GBE1: variants seen among roughly 807,000 people sequenced by gnomAD.
GBE1 encodes 1,4-alpha-glucan-branching enzyme.
In GBE1, 70 loss-of-function variants were observed where a neutral mutation model predicts 88.8. The observed-to-expected ratio is 0.79, with a 90% confidence interval of 0.65 to 0.96. The LOEUF (loss-of-function observed/expected upper bound fraction) is 0.96. GBE1 is among the 40% of genes least tolerant of loss of function. The probability of loss-of-function intolerance (pLI) is 0.00; values close to 1 mark genes in which losing one functional copy is unlikely to be tolerated. For missense variants in GBE1, 872 were observed against 871.0 expected (o/e 1.00, Z -0.01); for synonymous variants, 284 against 300.1 (o/e 0.95, Z 0.56).
intron 1 of GBE1, among the ~76,000 whole-genome samples, chr3:81,712,260 T>G (rs1440993625): frequency 2.0e-5 from 3 of 152,206 alleles, no homozygotes; most frequent in Non-Finnish European, 2.9e-5. Flanking sequence ...CCCAAGGATC[T>G]AGAACTAGAA....
At chr3:81,643,728 G>T (rs1470133531) in intron 6 of GBE1, among the ~76,000 whole-genome samples, 1 of 152,064 alleles carries the variant, frequency 6.6e-6, no homozygotes, top group East Asian at 1.9e-4. Flanking sequence ...TGAGGGCAGC[G>T]GCTGTTACTA....
chr3:81,589,180 A>T (rs368772101), intron 9 of GBE1, among the ~76,000 whole-genome samples: 1 of 152,240 alleles, frequency 6.6e-6, no homozygotes, highest in East Asian at 1.9e-4. Flanking sequence ...TCTAAAGAGC[A>T]CTTATAACCA....
intron 1 of GBE1, among the ~76,000 whole-genome samples, chr3:81,725,563 TTAAAG>T (rs1192827543): frequency 6.6e-6 from 1 of 152,184 alleles, no homozygotes; most frequent in African/African-American, 2.4e-5. Context: ...AAATAACAAT[TTAAAG>T]TATAGTATAA....
intron 14 of GBE1, among the ~76,000 whole-genome samples, chr3:81,514,782 G>T (rs911229981): frequency 6.6e-6 from 1 of 151,634 alleles, no homozygotes; most frequent in Admixed American, 6.6e-5. Flanking sequence ...GTTTGATCCT[G>T]TGAGATTCTG....
chr3:81,571,481 C>T (rs2106924396), intron 12 of GBE1, among the ~76,000 whole-genome samples: 1 of 152,174 alleles, frequency 6.6e-6, no homozygotes, highest in East Asian at 1.9e-4. Context: ...TTTAAGTCTG[C>T]TAGTTCAGTA....
intron 3 of GBE1, among the ~76,000 whole-genome samples, chr3:81,661,709 T>C (rs1705034169): frequency 6.6e-6 from 1 of 152,208 alleles, no homozygotes. Flanking sequence ...TGCAGTCTAA[T>C]GCTTTAGGAG....
chr3:81,615,655 G>C (rs1704239849), intron 7 of GBE1, among the ~76,000 whole-genome samples: 1 of 152,150 alleles, frequency 6.6e-6, no homozygotes, highest in African/African-American at 2.4e-5. Context: ...TGATATGGAT[G>C]TACTACACTC....
At chr3:81,748,438 C>T (rs897950962) in intron 1 of GBE1, among the ~76,000 whole-genome samples, 1 of 151,246 alleles carries the variant, frequency 6.6e-6, no homozygotes, top group Non-Finnish European at 1.5e-5. Context: ...TGTGAAACCC[C>T]GTCTCTACTA....
chr3:81,640,769 T>C (rs1017643751), intron 7 of GBE1, among the ~76,000 whole-genome samples: 1 of 151,738 alleles, frequency 6.6e-6, no homozygotes, highest in Non-Finnish European at 1.5e-5. Context: ...ATAATACAAA[T>C]GCAATTTAAT....
At chr3:81,731,674 A>G (rs184977567) in intron 1 of GBE1, among the ~76,000 whole-genome samples, 91 of 152,168 alleles carry the variant, frequency 6.0e-4, no homozygotes, top group African/African-American at 2.1e-3. Flanking sequence ...GTGAGTTCTC[A>G]TGAGATCTGG....
intron 2 of GBE1, among the ~76,000 whole-genome samples, chr3:81,672,138 TATC>T (rs1576194048): frequency 6.6e-6 from 1 of 151,986 alleles, no homozygotes. Flanking sequence ...AGTTTAAAAA[TATC>T]ATCTAGTCAG....
chr3:81,491,202 C>T (rs1331371921), intron 15 of GBE1, among the ~76,000 whole-genome samples: 2 of 152,132 alleles, frequency 1.3e-5, no homozygotes, highest in East Asian at 3.8e-4. Context: ...GGAAAAATCC[C>T]AGCTATGTGG....
At position 81,535,158 on chromosome 3, in the gene GBE1, T is replaced by A. The variant is rs775122900; in HGVS notation, c.1934+37A>T. ...TCCTATAATGTAATAAAGAAGTGAATGTGGACAGTCATATTCACTGGTAAC... is the reference window on the plus strand; with the variant it reads ...TCCTATAATGTAATAAAGAAGTGAAAGTGGACAGTCATATTCACTGGTAAC... On this transcript the variant is annotated intron_variant, in intron 14 of 15. Coordinates refer to ENST00000429644, the MANE Select transcript of GBE1 (RefSeq NM_000158.4). 3.2e-6 allele frequency: 5 copies of A among 1,553,262 alleles called. 1 individual carries two copies. The Admixed American group carries it at 7.9e-5, about 25-fold the overall frequency.
intron 2 of GBE1, among the ~76,000 whole-genome samples, chr3:81,680,867 G>A (rs1474950546): frequency 6.6e-6 from 1 of 152,212 alleles, no homozygotes; most frequent in Non-Finnish European, 1.5e-5. Flanking sequence ...ACGCCAGAGA[G>A]GGCTCACACC....
At chr3:81,675,415 G>T (rs910836827) in intron 2 of GBE1, among the ~76,000 whole-genome samples, 1 of 151,980 alleles carries the variant, frequency 6.6e-6, no homozygotes, top group Non-Finnish European at 1.5e-5. Context: ...CAATCTCAGA[G>T]ATCAAGGAAT....
intron 7 of GBE1, among the ~76,000 whole-genome samples, chr3:81,627,087 C>A (rs1704428147): frequency 1.3e-5 from 2 of 152,000 alleles, no homozygotes; most frequent in Non-Finnish European, 2.9e-5. Flanking sequence ...AGTGAAACAC[C>A]ATTTTCTATA....
At chr3:81,692,384 T>C (rs1705533693) in intron 2 of GBE1, among the ~76,000 whole-genome samples, 1 of 152,206 alleles carries the variant, frequency 6.6e-6, no homozygotes, top group Non-Finnish European at 1.5e-5. Flanking sequence ...ATGCTTCATA[T>C]GCTTTAACTT....
At chr3:81,663,908 T>G (rs1705070191) in intron 3 of GBE1, among the ~76,000 whole-genome samples, 1 of 152,166 alleles carries the variant, frequency 6.6e-6, no homozygotes, top group Admixed American at 6.5e-5. Context: ...CATCATTAAT[T>G]AGTTCATGAC....
intron 1 of GBE1, among the ~76,000 whole-genome samples, chr3:81,744,104 AC>A (rs1706389724): frequency 6.6e-6 from 1 of 151,982 alleles, no homozygotes; most frequent in Non-Finnish European, 1.5e-5. Context: ...AGTGATACCA[AC>A]TTTTTCCAAA....
Sources: gnomAD v4.1 joint callset for allele counts (sites outside exome capture counted in the v4.1 genomes callset) on GRCh38, gnomAD v4.1.1 for gene constraint, MANE v1.5 for transcripts, NCBI Gene and HGNC (gene_info 2026-07-23, HGNC 2026-07-21) for gene names.